TP73: variants seen among roughly 807,000 people sequenced by gnomAD.
TP73 encodes p53-like transcription factor.
TP73 carries 25 observed loss-of-function variants against 62.5 expected under a neutral mutation model. The observed-to-expected ratio is 0.40, with a 90% confidence interval of 0.29 to 0.56. The LOEUF (loss-of-function observed/expected upper bound fraction) is 0.56, where lower values mean the gene tolerates loss of function less well. Ranked by LOEUF, TP73 falls within the 20% of genes least tolerant of loss-of-function variation. The pLI is 0.46. For missense variants in TP73, 754 were observed against 913.3 expected, an observed-to-expected ratio of 0.83 and a Z score of 2.25; for synonymous variants, 423 against 377.5, an observed-to-expected ratio of 1.12 and a Z score of -1.40.
intron 3 of TP73, among the ~76,000 whole-genome samples, chr1:3,705,007 A>G (rs1639508958): frequency 6.6e-6 from 1 of 152,114 alleles, no homozygotes; most frequent in South Asian, 2.1e-4. Context: ...GAGCCAGGAG[A>G]GGCGAGGGTC....
chr1:3,665,189 G>C (rs1380717751), intron 1 of TP73, among the ~76,000 whole-genome samples: 1 of 152,104 alleles, frequency 6.6e-6, no homozygotes, highest in Non-Finnish European at 1.5e-5. Flanking sequence ...CTTCTGGAGC[G>C]AGGCATGCTC....
Position 3,732,939 on chromosome 1 carries a change from C to A in TP73, c.1771C>A (p.Arg591Ser). Residue 591 changes from arginine (R) to serine (S), a missense_variant, in exon 14 of 14, where the codon CGC becomes AGC. Coordinates refer to ENST00000378295, the MANE Select transcript of TP73 (RefSeq NM_005427.4). Reference sequence around the variant, plus strand: ...CATGGAGGCCGTGCACTTCCGCGTGCGCCACACCATCACCATCCCCAACCG... The same window carrying A: ...CATGGAGGCCGTGCACTTCCGCGTGAGCCACACCATCACCATCCCCAACCG... ...RVMEAVHFRV[R>S]HTITIPNRGG... 2 of 1,609,716 alleles carry A rather than the reference C, an allele frequency of 1.2e-6. No homozygotes were observed. Among genetic ancestry groups the A allele is most frequent in the South Asian group, 2.2e-5 (2 of 90,814 alleles).
intron 3 of TP73, among the ~76,000 whole-genome samples, chr1:3,704,903 C>T (rs1639499538): frequency 6.6e-6 from 1 of 152,240 alleles, no homozygotes; most frequent in African/African-American, 2.4e-5. Flanking sequence ...GGGTGACACC[C>T]AACCAGACAC....
chr1:3,664,778 A>G (rs1645074480), intron 1 of TP73, among the ~76,000 whole-genome samples: 1 of 152,132 alleles, frequency 6.6e-6, no homozygotes, highest in Non-Finnish European at 1.5e-5. Flanking sequence ...AGAGAGGGGT[A>G]TCTCTTCTGC....
chr1:3,722,331 G>C, intron 5 of TP73, 124 bp downstream of exon 5: 1 of 1,239,784 alleles, frequency 8.1e-7, no homozygotes, highest in South Asian at 1.4e-5. Flanking sequence ...TTCCCCTGCG[G>C]AGGGCTTTCA....
intron 3 of TP73, among the ~76,000 whole-genome samples, chr1:3,695,328 G>A (rs3765731): frequency 0.25 from 38,375 of 152,136 alleles, 5,125 homozygotes; most frequent in South Asian, 0.33. Context: ...TCCTGGGGCC[G>A]CTGTTCTTCA....
At chr1:3,687,882 A>G (rs1645704482) in intron 3 of TP73, among the ~76,000 whole-genome samples, 1 of 152,156 alleles carries the variant, frequency 6.6e-6, no homozygotes, top group South Asian at 2.1e-4. Context: ...CCGGGAACCC[A>G]GTGGCAGGAC....
intron 4 of TP73, among the ~76,000 whole-genome samples, chr1:3,708,723 G>A (rs538503170): frequency 2.6e-5 from 4 of 152,286 alleles, no homozygotes; most frequent in East Asian, 3.9e-4. Context: ...GGGGCTGGGC[G>A]GGAAAAGCAG....
At chr1:3,731,689 C>G (rs1462385997) in intron 13 of TP73, 133 bp downstream of exon 13, 4 of 806,930 alleles carry the variant, frequency 5.0e-6, no homozygotes, top group Non-Finnish European at 8.0e-6. Context: ...CAAGCAGATG[C>G]GATGATTTGA....
chr1:3,674,063 T>C (rs1321023068), intron 1 of TP73, among the ~76,000 whole-genome samples: 2 of 152,188 alleles, frequency 1.3e-5, no homozygotes, highest in African/African-American at 4.8e-5. Context: ...GTGGCCTCAC[T>C]GGGCCGTCGT....
intron 3 of TP73, among the ~76,000 whole-genome samples, chr1:3,695,093 G>A (rs1335906755): frequency 6.6e-6 from 1 of 152,264 alleles, no homozygotes; most frequent in Non-Finnish European, 1.5e-5. Flanking sequence ...TTCTGAGTCT[G>A]CGGCTCCCAC....
intron 4 of TP73, among the ~76,000 whole-genome samples, chr1:3,714,013 C>T (rs1640382647): frequency 6.6e-6 from 1 of 152,182 alleles, no homozygotes; most frequent in South Asian, 2.1e-4. Context: ...GCAAACCCAC[C>T]CCTCCCCCAG....
chr1:3,732,876 T>TCCATC lies in TP73; in HGVS notation c.1709_1713dup (p.Gly572ProfsTer184), dbSNP rs1165056013. On this transcript the variant is annotated frameshift_variant, in exon 14 of 14. Coordinates refer to ENST00000378295, the MANE Select transcript of TP73 (RefSeq NM_005427.4). LOFTEE classifies it high-confidence loss of function. ...CCGCTCTAGCAACGCGGCCACCATCTCCATCGGCGGCTCAGGGGAACTGCA... is the reference window on the plus strand; with the variant it reads ...CCGCTCTAGCAACGCGGCCACCATCTCCATCCCATCGGCGGCTCAGGGGAACTGCA... The TCCATC allele has an allele frequency of 6.2e-7, 1 of 1,611,762 alleles. No individual in the cohort carries two copies. The highest frequency in any genetic ancestry group is 1.1e-5 in the South Asian group (1 of 90,994).
intron 10 of TP73, 174 bp from the exon 11 acceptor site, chr1:3,729,826 C>A: frequency 3.0e-6 from 3 of 983,834 alleles, no homozygotes; most frequent in South Asian, 3.3e-5. Context: ...CAGGCGCAGG[C>A]CCAGTGGCCG....
chr1:3,683,603 G>A (rs1314295509), intron 3 of TP73, among the ~76,000 whole-genome samples: 2 of 152,218 alleles, frequency 1.3e-5, no homozygotes, highest in South Asian at 4.1e-4. Flanking sequence ...CTCTTGGTCT[G>A]CTTTCCCCTG....
rs180785408 is a variant in TP73 at position 3,697,365 on chromosome 1, G to C, written c.187-10184G>C. 4.6e-5 allele frequency among the ~76,000 whole-genome samples: 7 copies of C among 152,286 alleles called. No homozygotes were observed. The East Asian group carries it at 1.4e-3, about 29-fold the overall frequency. On this transcript the variant is annotated intron_variant, in intron 3 of 13. Transcript: ENST00000378295. The stretch of plus-strand genomic sequence containing the variant: ...TCCGTCTCTCCCTGCACAGGCCCTC[G>C]GCCCTTCCTCTGGCTGCAGGCTCTC...
chr1:3,686,699 C>A (rs576856210), intron 3 of TP73, among the ~76,000 whole-genome samples: 1 of 152,302 alleles, frequency 6.6e-6, no homozygotes, highest in Non-Finnish European at 1.5e-5. Flanking sequence ...ACCCCGTGGT[C>A]ACTGTGGCCA....
rs536582770 is a variant in TP73, at chr1:3,729,593, C to T, written c.1196+145C>T. 38 of 1,417,036 alleles carry T rather than the reference C, an allele frequency of 2.7e-5. No homozygotes were observed. The East Asian group carries it at 8.1e-4, about 30-fold the overall frequency. 87.8% of individuals were successfully genotyped at this position (1,417,036 alleles called of 1,614,324 possible). A position where few individuals can be genotyped will look rare whatever the true frequency, so the allele number is the denominator to read the frequency against. ...AGGGTCCAGAGCAGAGCCCACCCCACATCTCCTCCTCCAGGAAGCCTTCTA... is the reference window on the plus strand; with the variant it reads ...AGGGTCCAGAGCAGAGCCCACCCCATATCTCCTCCTCCAGGAAGCCTTCTA... On this transcript the variant is annotated intron_variant, in intron 10 of 13. Transcript: ENST00000378295.
chr1:3,660,346 T>C (rs1299698974), intron 1 of TP73, among the ~76,000 whole-genome samples: 1 of 152,228 alleles, frequency 6.6e-6, no homozygotes, highest in Non-Finnish European at 1.5e-5. Context: ...ACGGGTTTCA[T>C]TGGCTCCATA....
Sources: gnomAD v4.1 joint callset for allele counts (sites outside exome capture counted in the v4.1 genomes callset) on GRCh38, gnomAD v4.1.1 for gene constraint, MANE v1.5 for transcripts, NCBI Gene and HGNC (gene_info 2026-07-23, HGNC 2026-07-21) for gene names.